OPCML: variants seen among roughly 807,000 people sequenced by gnomAD.
The protein encoded by OPCML is opioid-binding protein/cell adhesion molecule.
In OPCML, 13 loss-of-function variants were observed where a neutral mutation model predicts 37.8. The observed-to-expected ratio is 0.34, with a 90% CI of 0.22 to 0.55. The LOEUF (loss-of-function observed/expected upper bound fraction) is 0.55, where lower values mean the gene tolerates loss of function less well. Among genes scored for constraint, OPCML ranks in the 20% least tolerant of loss-of-function variants. The pLI, the probability that OPCML is intolerant of heterozygous loss-of-function variation, is 0.91. For synonymous variants in OPCML, 176 were observed against 168.8 expected, an observed-to-expected ratio of 1.04 and a Z score of -0.33; for missense variants, 341 against 435.6, an observed-to-expected ratio of 0.78 and a Z score of 1.93.
chr11:133,080,851 T>C (rs2137030147), intron 1 of OPCML, among the ~76,000 whole-genome samples: 1 of 152,254 alleles, frequency 6.6e-6, no homozygotes, highest in Middle Eastern at 3.4e-3. Context: ...CTAGGCCTTC[T>C]GCATGCTGAA....
At chr11:133,292,697 T>G (rs2136542489) in intron 1 of OPCML, among the ~76,000 whole-genome samples, 1 of 152,292 alleles carries the variant, frequency 6.6e-6, no homozygotes, top group Non-Finnish European at 1.5e-5. Context: ...CCAAAAGCCC[T>G]TATATTTCCA....
chr11:132,930,280 C>T (rs937355986), intron 2 of OPCML, among the ~76,000 whole-genome samples: 1 of 152,096 alleles, frequency 6.6e-6, no homozygotes, highest in African/African-American at 2.4e-5. Flanking sequence ...GGGAGAATCA[C>T]GTGAACCTGA....
intron 1 of OPCML, among the ~76,000 whole-genome samples, chr11:133,238,543 T>G (rs767524680): frequency 5.3e-5 from 8 of 152,172 alleles, no homozygotes; most frequent in Non-Finnish European, 7.3e-5. Flanking sequence ...CTCACGTAAG[T>G]GTATGCAGTG....
At chr11:133,399,541 G>A (rs1945356593) in intron 1 of OPCML, among the ~76,000 whole-genome samples, 1 of 152,064 alleles carries the variant, frequency 6.6e-6, no homozygotes, top group Non-Finnish European at 1.5e-5. Context: ...CAACCTCATT[G>A]CCATGGCACA....
intron 2 of OPCML, among the ~76,000 whole-genome samples, chr11:132,749,960 G>A (rs1205389572): frequency 6.6e-6 from 1 of 152,116 alleles, no homozygotes; most frequent in Non-Finnish European, 1.5e-5. Context: ...TCAGCTCACT[G>A]TAACCTCTGC....
intron 1 of OPCML, among the ~76,000 whole-genome samples, chr11:133,452,728 T>TTGAG (rs1421050245): frequency 6.6e-6 from 1 of 151,572 alleles, no homozygotes; most frequent in Non-Finnish European, 1.5e-5. Context: ...CTACATGACA[T>TTGAG]TGAGTGAGAC....
At chr11:133,086,986 C>T (rs958712314) in intron 1 of OPCML, among the ~76,000 whole-genome samples, 3 of 152,132 alleles carry the variant, frequency 2.0e-5, no homozygotes, top group Non-Finnish European at 4.4e-5. Context: ...CCTAAGTATA[C>T]ACTTGAGCCT....
At chr11:132,843,861 A>G (rs1941404549) in intron 2 of OPCML, among the ~76,000 whole-genome samples, 1 of 152,152 alleles carries the variant, frequency 6.6e-6, no homozygotes, top group Non-Finnish European at 1.5e-5. Context: ...TTAACAAAGG[A>G]TTGTTAAGGT....
intron 1 of OPCML, among the ~76,000 whole-genome samples, chr11:133,228,688 C>T (rs777157340): frequency 7.6e-4 from 115 of 152,228 alleles, no homozygotes; most frequent in Admixed American, 2.0e-3. Flanking sequence ...TTGGGGCCTC[C>T]CACGAATTTA....
intron 2 of OPCML, among the ~76,000 whole-genome samples, chr11:132,819,924 G>A (rs1342282871): frequency 1.3e-5 from 2 of 152,092 alleles, no homozygotes; most frequent in African/African-American, 4.8e-5. Flanking sequence ...CTTTAATGAT[G>A]TGCCTTCTCC....
intron 1 of OPCML, among the ~76,000 whole-genome samples, chr11:133,403,040 C>T (rs1027150706): frequency 6.6e-6 from 1 of 152,158 alleles, no homozygotes; most frequent in African/African-American, 2.4e-5. Context: ...GCCTTCTTTA[C>T]CACTACACTC....
In OPCML at chr11:132,566,020, G is replaced by A. The variant is rs149385754; in HGVS notation, c.380-36834C>T. Among the ~76,000 whole-genome samples the A allele has an allele frequency of 2.7e-3, 405 of 152,286 alleles. 9 individuals are homozygous for A. In the East Asian group the frequency reaches 0.058, roughly 22 times the overall value. On this transcript the variant is annotated intron_variant, in intron 3 of 7. Coordinates refer to ENST00000524381, the MANE Select transcript of OPCML (RefSeq NM_001012393.5). The stretch of plus-strand genomic sequence containing the variant: ...TGCACTCCAGCCTGGGTGACAGAGC[G>A]AGACTCCGTCTCAAAAACAGAACAA...
chr11:133,139,488 C>G (rs1002165058), intron 1 of OPCML, among the ~76,000 whole-genome samples: 5 of 152,158 alleles, frequency 3.3e-5, no homozygotes, highest in African/African-American at 9.7e-5. Flanking sequence ...AATCTGCCTG[C>G]CTTCAGATCA....
rs182212480 is a variant in OPCML, at chr11:132,471,039, C to G, written c.506-33680G>C. Among the ~76,000 whole-genome samples, 9 of 152,180 alleles carry G rather than the reference C, an allele frequency of 5.9e-5. No homozygotes were observed. In the East Asian group the frequency reaches 1.5e-3, roughly 26 times the overall value. ...CATGACAATGTGAGGTCCTAGAAGTCAAGAAAAGTGGTTCGAAAAGAAGCT... is the reference window on the plus strand; with the variant it reads ...CATGACAATGTGAGGTCCTAGAAGTGAAGAAAAGTGGTTCGAAAAGAAGCT... On this transcript the variant is annotated intron_variant, in intron 4 of 7. Coordinates refer to ENST00000524381, the MANE Select transcript of OPCML (RefSeq NM_001012393.5).
intron 1 of OPCML, chr11:133,421,600 T>A (rs1945887867): frequency 3.0e-6 from 3 of 985,336 alleles, no homozygotes; most frequent in Admixed American, 6.1e-5. Context: ...AGTTTCAACC[T>A]CTATAACCAT....
intron 3 of OPCML, among the ~76,000 whole-genome samples, chr11:132,538,791 C>T (rs937801632): frequency 1.3e-5 from 2 of 152,154 alleles, no homozygotes; most frequent in African/African-American, 2.4e-5. Flanking sequence ...ACTCGCATTG[C>T]CCTAGTCACA....
intron 1 of OPCML, among the ~76,000 whole-genome samples, chr11:132,948,277 G>T (rs1428391821): frequency 6.6e-6 from 1 of 152,270 alleles, no homozygotes; most frequent in Non-Finnish European, 1.5e-5. Flanking sequence ...GGTTGGTCAG[G>T]AGGCAGAAGG....
At chr11:133,404,085 T>C (rs1021695099) in intron 1 of OPCML, among the ~76,000 whole-genome samples, 2 of 152,222 alleles carry the variant, frequency 1.3e-5, no homozygotes, top group African/African-American at 2.4e-5. Context: ...TCTGCGGCTC[T>C]GCTCTGTGCT....
rs1208902968 is a variant in OPCML, at chr11:133,206,984, C to T, written c.62-263974G>A. Among the ~76,000 whole-genome samples the T allele has an allele frequency of 6.6e-6, 1 of 151,994 alleles. No homozygotes were observed. The highest frequency in any genetic ancestry group is 6.6e-5 in the Admixed American group (1 of 15,260). On this transcript the variant is annotated intron_variant, in intron 1 of 7. Coordinates refer to ENST00000524381, the MANE Select transcript of OPCML (RefSeq NM_001012393.5). This position sits in a 1 kb window ranked among gnomAD's most constrained non-coding sequence, Gnocchi z 4.7. Reference sequence around the variant, plus strand: ...ACTCACGTGATCTCTCAGAGGAACGCCATAGAAAATCTCCTTCTAAGAGCC... The same window carrying T: ...ACTCACGTGATCTCTCAGAGGAACGTCATAGAAAATCTCCTTCTAAGAGCC...
Sources: gnomAD v4.1 joint callset for allele counts (sites outside exome capture counted in the v4.1 genomes callset) on GRCh38, gnomAD v4.1.1 for gene constraint, Gnocchi (gnomAD v3.1) non-coding constraint, MANE v1.5 for transcripts, NCBI Gene and HGNC (gene_info 2026-07-23, HGNC 2026-07-21) for gene names.